Variants in PRKN observed in about 807,000 individuals in gnomAD.
PRKN encodes the protein E3 ubiquitin-protein ligase parkin.
Under a neutral mutation model 59.5 loss-of-function variants are expected in PRKN, and 56 were observed. The observed-to-expected ratio is 0.94, with a 90% CI of 0.76 to 1.18. PRKN has a LOEUF of 1.18. PRKN is among the 50% of genes most tolerant of loss of function. The probability of loss-of-function intolerance (pLI) is 0.00; values close to 1 mark genes in which losing one functional copy is unlikely to be tolerated. For missense variants in PRKN, 657 were observed against 596.4 expected (o/e 1.10, Z -1.06); for synonymous variants, 250 against 222.1 (o/e 1.13, Z -1.12).
At chr6:162,300,207 A>G (rs140513195) in intron 2 of PRKN, among the ~76,000 whole-genome samples, 24 of 152,300 alleles carry the variant, frequency 1.6e-4, no homozygotes, top group Admixed American at 5.9e-4. Context: ...ATGACATTCA[A>G]TGTGTTTTGT....
intron 6 of PRKN, among the ~76,000 whole-genome samples, chr6:161,841,327 G>A (rs947890986): frequency 1.2e-4 from 18 of 151,188 alleles, no homozygotes; most frequent in Non-Finnish European, 1.8e-4. Flanking sequence ...CTTCCTATCT[G>A]CCATGACTTT....
rs1779929984 is a variant in PRKN, at chr6:161,549,678, C to T, written c.934-675G>A. 6.6e-6 allele frequency among the ~76,000 whole-genome samples: 1 copy of T among 152,182 alleles called. No homozygotes were observed. Among genetic ancestry groups the T allele is most frequent in the Non-Finnish European group, 1.5e-5 (1 of 68,028 alleles). ...CCAGCCTGCAAATAAATTCCAAACT[C>T]CATCAGACCATTTTCAAGGTCTTCT... On this transcript the variant is annotated intron_variant, in intron 8 of 11. Transcript: ENST00000366898. This position sits in a 1 kb window ranked among gnomAD's most constrained non-coding sequence, Gnocchi z 6.0.
intron 7 of PRKN, among the ~76,000 whole-genome samples, chr6:161,656,485 C>G (rs1367553789): frequency 6.6e-6 from 1 of 152,202 alleles, no homozygotes; most frequent in Non-Finnish European, 1.5e-5. Flanking sequence ...CAGCACCCCC[C>G]ACTGCTCTGA....
intron 2 of PRKN, among the ~76,000 whole-genome samples, chr6:162,305,853 CCTAT>C (rs1373188678): frequency 6.6e-6 from 1 of 151,924 alleles, no homozygotes; most frequent in African/African-American, 2.4e-5. Context: ...TATAGATACA[CCTAT>C]CTATAGTATC....
intron 6 of PRKN, among the ~76,000 whole-genome samples, chr6:161,814,707 G>A (rs1791698399): frequency 6.6e-6 from 1 of 152,090 alleles, no homozygotes; most frequent in African/African-American, 2.4e-5. Context: ...TCTCCATGTT[G>A]GTCAGGCTGG....
rs1777703910 is a variant in PRKN at position 162,513,215 on chromosome 6, A to C, written c.8-69742T>G. ...GCATTCCAGCTGGGCGTGGTAGCTC[A>C]TGCCTATAAGCCCAGCACTTTGGGA... is the stretch of plus-strand genomic sequence containing the variant. On this transcript the variant is annotated intron_variant, in intron 1 of 11. Coordinates refer to ENST00000366898, the MANE Select transcript of PRKN (RefSeq NM_004562.3). 3.9e-5 allele frequency among the ~76,000 whole-genome samples: 6 copies of C among 152,302 alleles called. 1 individual carries two copies. In the South Asian group the frequency reaches 1.2e-3, roughly 32 times the overall value.
intron 6 of PRKN, among the ~76,000 whole-genome samples, chr6:161,849,689 T>C (rs548983408): frequency 6.6e-6 from 1 of 152,360 alleles, no homozygotes; most frequent in African/African-American, 2.4e-5. Context: ...TCGTCTGCTG[T>C]ATTTTGTCTT....
chr6:162,637,416 G>T (rs1321146148), intron 1 of PRKN, among the ~76,000 whole-genome samples: 1 of 152,190 alleles, frequency 6.6e-6, no homozygotes, highest in Admixed American at 6.5e-5. Flanking sequence ...ACCAAATATT[G>T]CTTACCATTC....
chr6:162,601,423 G>A (rs187482968), intron 1 of PRKN, among the ~76,000 whole-genome samples: 73 of 151,856 alleles, frequency 4.8e-4, no homozygotes, highest in African/African-American at 1.3e-3. Flanking sequence ...CTCTTACTCC[G>A]CATGATGATT....
At position 161,519,155 on chromosome 6, in the gene PRKN, G is replaced by A. The variant is rs983347612; in HGVS notation, c.1083+29699C>T. Among the ~76,000 whole-genome samples, 7 of 152,080 alleles carry A rather than the reference G, an allele frequency of 4.6e-5. No homozygotes were observed. The East Asian group carries it at 1.4e-3, about 29-fold the overall frequency. Reference sequence around the variant, plus strand: ...AAAAAAGTGGAATGTTTAATACCAAGTAGGGAGGGGGTCTGCCTTTCCAAG... The same window carrying A: ...AAAAAAGTGGAATGTTTAATACCAAATAGGGAGGGGGTCTGCCTTTCCAAG... On this transcript the variant is annotated intron_variant, in intron 9 of 11. Coordinates refer to ENST00000366898, the MANE Select transcript of PRKN (RefSeq NM_004562.3).
intron 7 of PRKN, among the ~76,000 whole-genome samples, chr6:161,737,149 G>A (rs566023383): frequency 1.3e-5 from 2 of 152,224 alleles, no homozygotes; most frequent in Non-Finnish European, 2.9e-5. Context: ...AAAGGCCCGA[G>A]TGCAGGTGCA....
At chr6:161,750,118 T>TATATATATATATATATACAC (rs1269147499) in intron 7 of PRKN, among the ~76,000 whole-genome samples, 17 of 137,822 alleles carry the variant, frequency 1.2e-4, no homozygotes, top group African/African-American at 4.3e-4. Context: ...TATATATATA[T>TATATATATATATATATACAC]ACACACACAC....
At chr6:161,759,121 G>A (rs1253494226) in intron 7 of PRKN, among the ~76,000 whole-genome samples, 2 of 151,856 alleles carry the variant, frequency 1.3e-5, no homozygotes, top group African/African-American at 4.8e-5. Context: ...AGGTTGCAGT[G>A]AGCTGAGATT....
At chr6:162,542,666 A>G (rs1778970300) in intron 1 of PRKN, among the ~76,000 whole-genome samples, 1 of 152,124 alleles carries the variant, frequency 6.6e-6, no homozygotes, top group Non-Finnish European at 1.5e-5. Context: ...ATTCATAGAG[A>G]ACATTATGTC....
At chr6:161,368,381 T>TTATATATATATATATATATATATA (rs1562399363) in intron 10 of PRKN, among the ~76,000 whole-genome samples, 1 of 70,806 alleles carries the variant, frequency 1.4e-5, no homozygotes, top group Non-Finnish European at 3.0e-5. Context: ...ACCTCAGTCT[T>TTATATATATATATATATATATATA]GATATATATA....
At chr6:161,682,208 G>A (rs1366573146) in intron 7 of PRKN, among the ~76,000 whole-genome samples, 1 of 152,182 alleles carries the variant, frequency 6.6e-6, no homozygotes, top group Non-Finnish European at 1.5e-5. Flanking sequence ...CAGCAGTGGA[G>A]CAACCACTTG....
rs3032884 is a variant in PRKN, at chr6:161,483,174, C to CA, written c.1083+65679dup. Reference sequence around the variant, plus strand: ...CTCGTGACAACTAACAATTGTGTTTCAAAAAAAAAAAAAAAAACATGCATT... The same window carrying CA: ...CTCGTGACAACTAACAATTGTGTTTCAAAAAAAAAAAAAAAAAACATGCATT... On this transcript the variant is annotated intron_variant, in intron 9 of 11. Transcript: ENST00000366898. This position sits in a 1 kb window ranked among gnomAD's most constrained non-coding sequence, Gnocchi z 5.0. Among the ~76,000 whole-genome samples the CA allele has an allele frequency of 0.14, 17,733 of 128,224 alleles. 1,900 individuals are homozygous for CA. The highest frequency in any genetic ancestry group is 0.36 in the African/African-American group (11,410 of 31,568). The allele number at this position is 128,224 out of a possible 152,430, so 84.1% of individuals were successfully genotyped here.
intron 2 of PRKN, among the ~76,000 whole-genome samples, chr6:162,335,154 T>G (rs539893693): frequency 2.0e-5 from 3 of 152,016 alleles, no homozygotes; most frequent in Admixed American, 2.0e-4. Context: ...CCTGTGATTA[T>G]AGGTACACGG....
rs1244239414 is a variant in PRKN at position 161,548,369 on chromosome 6, T to C, written c.1083+485A>G. On this transcript the variant is annotated intron_variant, in intron 9 of 11. Transcript: ENST00000366898. This position sits in a 1 kb window ranked among gnomAD's most constrained non-coding sequence, Gnocchi z 4.2. ...AGACACCATTAGTTTTGTTCATCTC[T>C]ACTTAAAATGATTTTTATGACATAA... 2.0e-5 allele frequency among the ~76,000 whole-genome samples: 3 copies of C among 152,222 alleles called. No individual in the cohort carries two copies. In the East Asian group the frequency reaches 5.8e-4, roughly 29 times the overall value.
Sources: allele counts gnomAD v4.1 joint callset (sites outside exome capture counted in the v4.1 genomes callset), GRCh38; gene constraint gnomAD v4.1.1; non-coding constraint Gnocchi (gnomAD v3.1); transcripts MANE v1.5; gene names NCBI Gene and HGNC (gene_info 2026-07-23, HGNC 2026-07-21).